CHCHD3: variants seen among roughly 807,000 people sequenced by gnomAD.
CHCHD3 encodes coiled-coil-helix-coiled-coil-helix domain containing 3.
CHCHD3 carries 20 observed loss-of-function variants against 38.2 expected under a neutral mutation model. That is an observed-to-expected ratio of 0.52 (90% CI 0.37 to 0.76). The LOEUF (loss-of-function observed/expected upper bound fraction) is 0.76, where lower values mean the gene tolerates loss of function less well. Among genes scored for constraint, CHCHD3 ranks in the 30% least tolerant of loss-of-function variants. The probability of loss-of-function intolerance (pLI) is 0.00; values close to 1 mark genes in which losing one functional copy is unlikely to be tolerated. For missense variants in CHCHD3, 245 were observed against 279.2 expected (o/e 0.88, Z 0.87); for synonymous variants, 82 against 100.0 (o/e 0.82, Z 1.07).
intron 5 of CHCHD3, chr7:132,845,049 T>A (rs892155713): frequency 2.0e-5 from 3 of 152,208 alleles, no homozygotes; most frequent in African/African-American, 7.2e-5. Context: ...AACTCCGCAC[T>A]TAGGTGGGCG....
At chr7:133,018,367 T>C (rs1017884907) in intron 3 of CHCHD3, among the ~76,000 whole-genome samples, 8 of 152,234 alleles carry the variant, frequency 5.3e-5, no homozygotes, top group Non-Finnish European at 1.0e-4. Flanking sequence ...TGCAACTATT[T>C]ATAAATTACA....
intron 4 of CHCHD3, among the ~76,000 whole-genome samples, chr7:132,953,265 G>A (rs1811075388): frequency 6.6e-6 from 1 of 152,172 alleles, no homozygotes; most frequent in Non-Finnish European, 1.5e-5. Context: ...AGACTCTGAA[G>A]GTGCCAGCCA....
At chr7:132,799,723 C>T (rs1806735604) in intron 6 of CHCHD3, among the ~76,000 whole-genome samples, 1 of 152,172 alleles carries the variant, frequency 6.6e-6, no homozygotes, top group South Asian at 2.1e-4. Context: ...TGAAAATATA[C>T]ATGTAACAAA....
chr7:132,786,374 C>T (rs1806318677), intron 7 of CHCHD3, among the ~76,000 whole-genome samples: 1 of 152,158 alleles, frequency 6.6e-6, no homozygotes, highest in Admixed American at 6.5e-5. Context: ...TGTTCATGTG[C>T]TCATGAGGCT....
intron 3 of CHCHD3, among the ~76,000 whole-genome samples, chr7:133,004,401 A>G (rs1332951736): frequency 6.6e-6 from 1 of 152,240 alleles, no homozygotes; most frequent in East Asian, 1.9e-4. Context: ...CAGAGTTCAC[A>G]AAAGATAGGA....
intron 3 of CHCHD3, among the ~76,000 whole-genome samples, chr7:133,012,235 A>T (rs549835029): frequency 1.4e-4 from 21 of 152,342 alleles, no homozygotes; most frequent in African/African-American, 4.8e-4. Flanking sequence ...TACAGCTGAC[A>T]GATATATTCA....
chr7:132,792,783 T>G (rs570471786), intron 7 of CHCHD3, among the ~76,000 whole-genome samples: 3 of 152,242 alleles, frequency 2.0e-5, no homozygotes, highest in African/African-American at 7.2e-5. Context: ...ATAATTAGAT[T>G]AGGATTGCAG....
At chr7:132,909,675 G>C (rs917177892) in intron 4 of CHCHD3, among the ~76,000 whole-genome samples, 4 of 152,220 alleles carry the variant, frequency 2.6e-5, no homozygotes, top group Non-Finnish European at 5.9e-5. Flanking sequence ...AGAAGTGAAA[G>C]GGATTGGCAC....
chr7:132,849,203 C>T (rs777219840), intron 5 of CHCHD3: 1 of 152,138 alleles, frequency 6.6e-6, no homozygotes, highest in East Asian at 1.9e-4. Context: ...TGCCAGCAAC[C>T]CTTGGCTCCC....
At chr7:133,037,900 C>T (rs1487290475) in intron 2 of CHCHD3, among the ~76,000 whole-genome samples, 1 of 152,138 alleles carries the variant, frequency 6.6e-6, no homozygotes, top group African/African-American at 2.4e-5. Context: ...GATCATTTTC[C>T]TTTCTCTCTT....
chr7:132,921,100 G>A (rs1810249110), intron 4 of CHCHD3, among the ~76,000 whole-genome samples: 2 of 152,204 alleles, frequency 1.3e-5, no homozygotes, highest in South Asian at 2.1e-4. Context: ...AAAACCCATG[G>A]AATATCATTA....
chr7:132,988,069 C>T (rs563600256), intron 3 of CHCHD3, among the ~76,000 whole-genome samples: 8 of 152,134 alleles, frequency 5.3e-5, no homozygotes, highest in East Asian at 1.9e-4. Context: ...GTAAGGCTTC[C>T]GGTCAATAGA....
At chr7:132,855,455 T>C (rs1012227472) in intron 5 of CHCHD3, among the ~76,000 whole-genome samples, 1 of 152,178 alleles carries the variant, frequency 6.6e-6, no homozygotes, top group African/African-American at 2.4e-5. Flanking sequence ...AAAGTCAGTC[T>C]TAAGGGTTAA....
chr7:132,844,464 T>G (rs1035109992), intron 5 of CHCHD3, among the ~76,000 whole-genome samples: 1 of 152,190 alleles, frequency 6.6e-6, no homozygotes, highest in Non-Finnish European at 1.5e-5. Flanking sequence ...TCATATTCAC[T>G]CTGCATATTG....
chr7:133,046,496 G>C (rs1026228333), intron 2 of CHCHD3, among the ~76,000 whole-genome samples: 2 of 152,118 alleles, frequency 1.3e-5, no homozygotes, highest in Non-Finnish European at 2.9e-5. Context: ...GTGCTAGTAA[G>C]TCAGTGTATA....
At chr7:132,873,954 C>A (rs1338768168) in intron 5 of CHCHD3, among the ~76,000 whole-genome samples, 3 of 152,132 alleles carry the variant, frequency 2.0e-5, no homozygotes, top group Non-Finnish European at 2.9e-5. Context: ...AGCAAAAGGA[C>A]CCTCACCTAA....
intron 5 of CHCHD3, among the ~76,000 whole-genome samples, chr7:132,868,992 G>T (rs141070862): frequency 6.6e-6 from 1 of 152,056 alleles, no homozygotes; most frequent in East Asian, 1.9e-4. Flanking sequence ...GTACTTACTC[G>T]ATGTTAACAA....
At chr7:133,041,593 C>T (rs1414556958) in intron 2 of CHCHD3, among the ~76,000 whole-genome samples, 2 of 152,190 alleles carry the variant, frequency 1.3e-5, no homozygotes, top group Admixed American at 1.3e-4. Context: ...TCCCATGTAC[C>T]ATTCTGCATA....
intron 6 of CHCHD3, among the ~76,000 whole-genome samples, chr7:132,821,885 C>G (rs1807386772): frequency 6.6e-6 from 1 of 151,546 alleles, no homozygotes; most frequent in Admixed American, 6.6e-5. Context: ...GCCTCAGCCT[C>G]CCCAGTAGCT....
Sources: gnomAD v4.1 joint callset for allele counts (sites outside exome capture counted in the v4.1 genomes callset) on GRCh38, gnomAD v4.1.1 for gene constraint, MANE v1.5 for transcripts, NCBI Gene and HGNC (gene_info 2026-07-23, HGNC 2026-07-21) for gene names.